ALG11: variants seen among roughly 807,000 people sequenced by gnomAD.
The protein encoded by ALG11 is ALG11 alpha-1,2-mannosyltransferase.
In ALG11, 26 loss-of-function variants were observed where a neutral mutation model predicts 38.8. The observed-to-expected ratio is 0.67, with a 90% confidence interval of 0.49 to 0.93. The LOEUF (loss-of-function observed/expected upper bound fraction) is 0.93, where lower values mean the gene tolerates loss of function less well. Among genes scored for constraint, ALG11 ranks in the 40% least tolerant of loss-of-function variants. The pLI, the probability that ALG11 is intolerant of heterozygous loss-of-function variation, is 0.00. For missense variants in ALG11, 535 were observed against 578.8 expected (o/e 0.92, Z 0.78); for synonymous variants, 199 against 211.6 (o/e 0.94, Z 0.52).
At chr13:52,021,926 G>A (rs1265419890) in intron 2 of ALG11, 4 of 152,246 alleles carry the variant, frequency 2.6e-5, no homozygotes, top group Admixed American at 2.6e-4. Context: ...CAGGAAGTAG[G>A]AGCTGCCAGT....
rs1253144106 is a variant in ALG11 at position 52,029,552 on chromosome 13, A to G, written c.*962A>G. On this transcript the variant is annotated 3_prime_UTR_variant, in exon 4 of 4. Coordinates refer to ENST00000521508, the MANE Select transcript of ALG11 (RefSeq NM_001004127.3). ...AAAAGAGAAGAAAATCAAAAGTAAA[A>G]AGTATCACAAAGTCGTGAAGAAAGG... 6.2e-7 allele frequency: 1 copy of G among 1,614,218 alleles called. No homozygotes were observed. The highest frequency in any genetic ancestry group is 1.1e-5 in the South Asian group (1 of 91,080).
rs771366804 is a variant in ALG11 at position 52,030,065 on chromosome 13, G to C, written c.*1475G>C. ...GGCAGAGGAAGAAATTTTGTTGAGA[G>C]AATTTGAGGAAAGGCAATCCCTTAG... On this transcript the variant is annotated 3_prime_UTR_variant, in exon 4 of 4. Coordinates refer to ENST00000521508, the MANE Select transcript of ALG11 (RefSeq NM_001004127.3). 24 of 1,614,092 alleles carry C rather than the reference G, an allele frequency of 1.5e-5. No homozygotes were observed. Among genetic ancestry groups the C allele is most frequent in the Admixed American group, 1.7e-5 (1 of 60,006 alleles).
At chr13:52,019,213 C>CAT in intron 2 of ALG11, 70 bp downstream of exon 2, 54 of 653,486 alleles carry the variant, frequency 8.3e-5, no homozygotes, top group Non-Finnish European at 1.2e-4. Context: ...TCCAGAAATT[C>CAT]ATCTTTTTTT....
Position 52,029,929 on chromosome 13 carries a change from C to G in ALG11, c.*1339C>G. 1.9e-6 allele frequency: 3 copies of G among 1,614,166 alleles called. No homozygotes were observed. Among genetic ancestry groups the G allele is most frequent in the Non-Finnish European group, 2.5e-6 (3 of 1,180,030 alleles). On this transcript the variant is annotated 3_prime_UTR_variant, in exon 4 of 4. Coordinates refer to ENST00000521508, the MANE Select transcript of ALG11 (RefSeq NM_001004127.3). ...TGGACGGACCGAATCCCTGGATGTT[C>G]AGGAGCTGCACCAGTGACACCAAAG...
chr13:52,031,841 A>T lies in ALG11; in HGVS notation c.*3251A>T, dbSNP rs1004845425. The stretch of plus-strand genomic sequence containing the variant: ...TATCTTTCTGAGTCTCAGATTCTTC[A>T]TCTGTAATCTGGAGTTGTTAATTCC... On this transcript the variant is annotated 3_prime_UTR_variant, in exon 4 of 4. Coordinates refer to ENST00000521508, the MANE Select transcript of ALG11 (RefSeq NM_001004127.3). 4 of 167,064 alleles carry T rather than the reference A, an allele frequency of 2.4e-5. No individual in the cohort carries two copies. The highest frequency in any genetic ancestry group is 9.7e-5 in the African/African-American group (4 of 41,436). The allele number at this position is 167,064 out of a possible 1,614,324, so 10.3% of individuals were successfully genotyped here. A position where few individuals can be genotyped will look rare whatever the true frequency, so the allele number is the denominator to read the frequency against.
chr13:52,012,613 G>C, intron 1 of ALG11, 151 bp downstream of exon 1: 1 of 1,099,372 alleles, frequency 9.1e-7, no homozygotes, highest in Non-Finnish European at 1.3e-6. Flanking sequence ...TCTTTTTCTT[G>C]GGGGTCTTCT....
In ALG11 at chr13:52,028,752, G is replaced by A. The variant is rs1954266482; in HGVS notation, c.*162G>A. 1 of 1,612,588 alleles carries A rather than the reference G, an allele frequency of 6.2e-7. No individual in the cohort carries two copies. Among genetic ancestry groups the A allele is most frequent in the South Asian group, 1.1e-5 (1 of 90,894 alleles). On this transcript the variant is annotated 3_prime_UTR_variant, in exon 4 of 4. Transcript: ENST00000521508. ...AGGAAGTGTTGAAAAGAAAATGGATGACTAGCCTTCGGCTTCCATTCTTGG... is the reference window on the plus strand; with the variant it reads ...AGGAAGTGTTGAAAAGAAAATGGATAACTAGCCTTCGGCTTCCATTCTTGG...
intron 2 of ALG11, chr13:52,023,415 A>G (rs1954203006): frequency 6.6e-6 from 1 of 152,060 alleles, no homozygotes; most frequent in African/African-American, 2.4e-5. Flanking sequence ...TATGACCAAC[A>G]TGGAGAAACC....
rs1234646944 is a variant in ALG11 at position 52,028,675 on chromosome 13, T to A, written c.*85T>A. The A allele has an allele frequency of 6.4e-7, 1 of 1,560,634 alleles. No individual in the cohort carries two copies. Among genetic ancestry groups the A allele is most frequent in the Non-Finnish European group, 8.7e-7 (1 of 1,142,978 alleles). On this transcript the variant is annotated 3_prime_UTR_variant, in exon 4 of 4. Transcript: ENST00000521508. ...AATATTTTTCTAAATTCAATCTCAT[T>A]TGTCAAATCATTTTACTTTAGAAAA...
At position 52,024,855 on chromosome 13, in the gene ALG11, C is replaced by T. The variant is rs753396003; in HGVS notation, c.1125C>T (p.Asn375=). Residue 375 remains asparagine (N), a synonymous_variant, in exon 3 of 4, where the codon AAC becomes AAT. Coordinates refer to ENST00000521508, the MANE Select transcript of ALG11 (RefSeq NM_001004127.3). The stretch of plus-strand genomic sequence containing the variant: ...AAGAATATGTGGAATTTAAAATAAA[C>T]ATTCCATTTGATGAATTAAAGAATT... The part of the protein sequence containing the change: ...GVQEYVEFKI[N]IPFDELKNYL... 2 of 1,613,930 alleles carry T rather than the reference C, an allele frequency of 1.2e-6. No homozygotes were observed. Among genetic ancestry groups the T allele is most frequent in the Non-Finnish European group, 8.5e-7 (1 of 1,179,898 alleles).
Position 52,031,290 on chromosome 13 carries a change from G to A in ALG11, c.*2700G>A. The stretch of plus-strand genomic sequence containing the variant: ...GCATTTTAGAATTGATCAGACATTA[G>A]AACACAGAAAAATTCTAGTACATTT... On this transcript the variant is annotated 3_prime_UTR_variant, in exon 4 of 4. Coordinates refer to ENST00000521508, the MANE Select transcript of ALG11 (RefSeq NM_001004127.3). 1.1e-6 allele frequency: 1 copy of A among 889,164 alleles called. No homozygotes were observed. The highest frequency in any genetic ancestry group is 1.7e-6 in the Non-Finnish European group (1 of 603,106). The allele number at this position is 889,164 out of a possible 1,614,324, so 55.1% of individuals were successfully genotyped here. A position where few individuals can be genotyped will look rare whatever the true frequency, so the allele number is the denominator to read the frequency against.
intron 2 of ALG11, among the ~76,000 whole-genome samples, chr13:52,020,335 A>G (rs1250585656): frequency 1.3e-5 from 2 of 152,188 alleles, no homozygotes; most frequent in Non-Finnish European, 2.9e-5. Context: ...CATATGAGGA[A>G]AACTGTTACT....
Position 52,029,363 on chromosome 13 carries a change from A to G in ALG11, c.*773A>G, listed in dbSNP as rs200048072. 6.8e-6 allele frequency: 11 copies of G among 1,613,950 alleles called. No homozygotes were observed. The highest frequency in any genetic ancestry group is 1.6e-4 in the Middle Eastern group (1 of 6,084). ...GGCAAGAACTCCCCTGGAGCAGGAA[A>G]TTTTTAACCTCCTCCATAAGAACAA... On this transcript the variant is annotated 3_prime_UTR_variant, in exon 4 of 4. Transcript: ENST00000521508.
intron 1 of ALG11, among the ~76,000 whole-genome samples, chr13:52,014,962 G>A (rs752038995): frequency 1.3e-5 from 2 of 152,150 alleles, no homozygotes; most frequent in Non-Finnish European, 2.9e-5. Context: ...AAGTGCTCAT[G>A]TGGGATTTCA....
In ALG11 at chr13:52,028,500, C is replaced by G. The variant is rs951819111; in HGVS notation, c.1389C>G (p.Ile463Met). The G allele has an allele frequency of 6.2e-7, 1 of 1,614,008 alleles. No homozygotes were observed. The highest frequency in any genetic ancestry group is 1.3e-5 in the African/African-American group (1 of 74,896). ...LSMSAEKRLQ[I>M]RKSARASVSR... ...TGTCTGCAGAAAAGAGACTCCAAAT[C>G]AGAAAAAGTGCTCGTGCATCTGTAA... The change falls in exon 4 of 4, where the codon ATC (isoleucine) becomes ATG (methionine). Residue 463 changes from isoleucine to methionine, a missense_variant. Ile to Met is a conservative substitution (Grantham distance 10). Transcript: ENST00000521508.
intron 2 of ALG11, among the ~76,000 whole-genome samples, chr13:52,019,388 AT>A (rs1336360325): frequency 4.0e-5 from 6 of 151,680 alleles, no homozygotes; most frequent in Non-Finnish European, 8.8e-5. Flanking sequence ...CGTCCGGCTA[AT>A]TTTTTGTATT....
Position 52,030,791 on chromosome 13 carries a change from T to G in ALG11, c.*2201T>G, listed in dbSNP as rs562071993. Reference sequence around the variant, plus strand: ...GGGTCCTCCAAGAAAAGATAAGAATTTGCCAAATGTGATTATCAGTGAGAA... The same window carrying G: ...GGGTCCTCCAAGAAAAGATAAGAATGTGCCAAATGTGATTATCAGTGAGAA... On this transcript the variant is annotated 3_prime_UTR_variant, in exon 4 of 4. Transcript: ENST00000521508. The G allele has an allele frequency of 1.9e-6, 3 of 1,614,126 alleles. No individual in the cohort carries two copies. In the East Asian group the frequency reaches 6.7e-5, roughly 36 times the overall value.
chr13:52,013,096 G>A (rs969948526), intron 1 of ALG11, among the ~76,000 whole-genome samples: 2 of 152,142 alleles, frequency 1.3e-5, no homozygotes, highest in Admixed American at 6.5e-5. Context: ...GCTACCATCC[G>A]GAGATAGCCA....
intron 2 of ALG11, chr13:52,021,091 A>T (rs1954180080): frequency 6.6e-6 from 1 of 152,244 alleles, no homozygotes; most frequent in African/African-American, 2.4e-5. Flanking sequence ...AAAATATCAA[A>T]TAGTGAGACG....
Sources: gnomAD v4.1 joint callset for allele counts (sites outside exome capture counted in the v4.1 genomes callset) on GRCh38, gnomAD v4.1.1 for gene constraint, MANE v1.5 for transcripts, NCBI Gene and HGNC (gene_info 2026-07-23, HGNC 2026-07-21) for gene names.